Variants in DIAPH2 observed in about 807,000 individuals in gnomAD.
The protein encoded by DIAPH2 is protein diaphanous homolog 2.
A neutral mutation model predicts 92.7 loss-of-function variants in DIAPH2; 35 were observed. The observed-to-expected ratio is 0.38, with a 90% CI of 0.29 to 0.50. DIAPH2 has a LOEUF of 0.50. DIAPH2 is among the 20% of genes least tolerant of loss of function. DIAPH2 has a pLI of 0.94. For synonymous variants in DIAPH2, 301 were observed against 280.4 expected, an observed-to-expected ratio of 1.07 and a Z score of -0.73; for missense variants, 701 against 819.5, an observed-to-expected ratio of 0.86 and a Z score of 1.77.
At chrX:97,141,930 T>G in intron 22 of DIAPH2, 136 bp downstream of exon 22, 1 of 699,911 alleles carries the variant, frequency 1.4e-6, no homozygotes. Flanking sequence ...GAAAATAGTT[T>G]CCATTAGCTT....
At chrX:97,202,248 C>A (rs2067757467) in intron 22 of DIAPH2, among the ~76,000 whole-genome samples, 1 of 111,829 alleles carries the variant, frequency 8.9e-6, no homozygotes, top group African/African-American at 3.3e-5. Context: ...GAAGAAACTG[C>A]ATCAACTAAT....
At position 97,601,485 on chromosome X, in the gene DIAPH2, A is replaced by G. The variant is rs964529457; in HGVS notation, c.*2168A>G. ...TTTCAGGGTCTTTCATGAAGTTCCA[A>G]TAGTTGAGTGAGTTAAAAGGTTTGT... On this transcript the variant is annotated 3_prime_UTR_variant, in exon 27 of 27. Transcript: ENST00000324765. 9.0e-6 allele frequency: 1 copy of G among 111,271 alleles called. No homozygotes were observed. The highest frequency in any genetic ancestry group is 1.9e-5 in the Non-Finnish European group (1 of 52,919). 9.2% of individuals were successfully genotyped at this position (111,271 alleles called of 1,213,427 possible).
At chrX:97,359,444 A>G (rs1569372744) in intron 24 of DIAPH2, among the ~76,000 whole-genome samples, 2 of 108,214 alleles carry the variant, frequency 1.8e-5, no homozygotes, top group African/African-American at 6.7e-5. Flanking sequence ...TGTCCTATAT[A>G]TGTGTGTGTG....
At chrX:97,262,045 A>G (rs1173162906) in intron 23 of DIAPH2, among the ~76,000 whole-genome samples, 2 of 106,303 alleles carry the variant, frequency 1.9e-5, no homozygotes, top group Non-Finnish European at 3.9e-5. Context: ...GATACCTACA[A>G]TGTGCCAAAC....
At chrX:96,789,226 T>C (rs1284026276) in intron 4 of DIAPH2, among the ~76,000 whole-genome samples, 5 of 111,832 alleles carry the variant, frequency 4.5e-5, no homozygotes, top group Non-Finnish European at 5.6e-5. Context: ...AATATATGTG[T>C]GATGCACCTG....
At chrX:97,353,562 A>G (rs756067108) in intron 24 of DIAPH2, among the ~76,000 whole-genome samples, 16 of 110,829 alleles carry the variant, frequency 1.4e-4, no homozygotes, top group African/African-American at 4.6e-4. Flanking sequence ...CTCATTCTGT[A>G]CCTCATATAC....
chrX:97,314,244 AC>A (rs1340681791), intron 23 of DIAPH2, among the ~76,000 whole-genome samples: 21 of 101,669 alleles, frequency 2.1e-4, no homozygotes, highest in African/African-American at 6.6e-4. Context: ...CCCTGTCTCT[AC>A]AAAAAAAAAA....
chrX:96,971,388 T>A (rs1157490039), intron 17 of DIAPH2, among the ~76,000 whole-genome samples: 2 of 111,599 alleles, frequency 1.8e-5, no homozygotes, highest in Non-Finnish European at 3.8e-5. Flanking sequence ...CTCAGCACAT[T>A]GGTATCCCTT....
intron 1 of DIAPH2, among the ~76,000 whole-genome samples, chrX:96,715,288 A>C (rs1191485939): frequency 8.9e-6 from 1 of 112,027 alleles, no homozygotes; most frequent in African/African-American, 3.2e-5. Context: ...AATAAAAAAA[A>C]ATCTAGGTAG....
chrX:97,465,510 A>T (rs2070503966), intron 26 of DIAPH2, among the ~76,000 whole-genome samples: 1 of 111,905 alleles, frequency 8.9e-6, no homozygotes, highest in African/African-American at 3.3e-5. Context: ...TTGTCAAGAG[A>T]TGATTTTAAG....
At chrX:97,588,814 G>T (rs185885130) in intron 26 of DIAPH2, among the ~76,000 whole-genome samples, 3,263 of 105,067 alleles carry the variant, frequency 0.031, 60 homozygotes, top group Admixed American at 0.045. Context: ...AGTATACTTA[G>T]TGATGGTATA....
At chrX:97,090,515 G>A (rs1189377077) in intron 19 of DIAPH2, among the ~76,000 whole-genome samples, 1 of 109,259 alleles carries the variant, frequency 9.2e-6, no homozygotes, top group East Asian at 2.9e-4. Flanking sequence ...TTGTGAAAAT[G>A]TATGGGATGT....
At chrX:97,340,452 A>C (rs1479933546) in intron 23 of DIAPH2, among the ~76,000 whole-genome samples, 1 of 110,794 alleles carries the variant, frequency 9.0e-6, no homozygotes, top group Non-Finnish European at 1.9e-5. Flanking sequence ...TCAAATCTCT[A>C]CTGATGAAAC....
chrX:96,780,446 G>A (rs1157305415), intron 4 of DIAPH2, among the ~76,000 whole-genome samples: 3 of 111,281 alleles, frequency 2.7e-5, no homozygotes, highest in African/African-American at 9.8e-5. Flanking sequence ...TGCTATCATG[G>A]GACATTGAAT....
intron 17 of DIAPH2, among the ~76,000 whole-genome samples, chrX:96,990,349 C>T (rs1279256242): frequency 1.8e-5 from 2 of 111,824 alleles, no homozygotes; most frequent in Non-Finnish European, 3.8e-5. Context: ...AAATTTGACA[C>T]GGGTTCTACT....
intron 26 of DIAPH2, among the ~76,000 whole-genome samples, chrX:97,486,823 A>G (rs2070692014): frequency 1.9e-5 from 2 of 107,994 alleles, no homozygotes; most frequent in African/African-American, 6.5e-5. Flanking sequence ...TGCACAATAC[A>G]ATATTGTTAA....
intron 26 of DIAPH2, chrX:97,564,347 G>A (rs2071312447): frequency 8.9e-6 from 1 of 112,477 alleles, no homozygotes; most frequent in African/African-American, 3.2e-5. Flanking sequence ...CTGAGACTGG[G>A]TAATTTGTAA....
chrX:96,939,597 TATATA>T (rs1242468827), intron 12 of DIAPH2, among the ~76,000 whole-genome samples: 4 of 59,088 alleles, frequency 6.8e-5, no homozygotes, highest in Non-Finnish European at 1.4e-4. Flanking sequence ...TGTGTGTGTG[TATATA>T]CACACACACA....
At chrX:97,127,132 C>T (rs1209239853) in intron 21 of DIAPH2, among the ~76,000 whole-genome samples, 1 of 110,039 alleles carries the variant, frequency 9.1e-6, no homozygotes, top group Non-Finnish European at 1.9e-5. Context: ...TATGTCTGTA[C>T]CCCTCCCAAT....
Sources: gnomAD v4.1 joint callset for allele counts (sites outside exome capture counted in the v4.1 genomes callset) on GRCh38, gnomAD v4.1.1 for gene constraint, MANE v1.5 for transcripts, NCBI Gene and HGNC (gene_info 2026-07-23, HGNC 2026-07-21) for gene names.